The following SELP variants were observed in gnomAD, a reference collection of about 807,000 sequenced individuals.
The protein encoded by SELP is selectin P.
SELP carries 92 observed loss-of-function variants against 104.1 expected under a neutral mutation model. That is an observed-to-expected ratio of 0.88 (90% CI 0.75 to 1.05). The LOEUF (loss-of-function observed/expected upper bound fraction) is 1.05, where lower values mean the gene tolerates loss of function less well. Among genes scored for constraint, SELP ranks in the 50% least tolerant of loss-of-function variants. SELP has a pLI of 0.00. For synonymous variants in SELP, 397 were observed against 364.5 expected, an observed-to-expected ratio of 1.09 and a Z score of -1.01; for missense variants, 1,022 against 1,017.3, an observed-to-expected ratio of 1.00 and a Z score of -0.06.
At chr1:169,610,964 T>A (rs1557961917) in intron 7 of SELP, among the ~76,000 whole-genome samples, 2 of 152,172 alleles carry the variant, frequency 1.3e-5, no homozygotes, top group African/African-American at 4.8e-5. Context: ...GGGAATTCAC[T>A]AATCTATCGT....
chr1:169,616,120 C>T (rs1662794530), intron 3 of SELP, among the ~76,000 whole-genome samples: 1 of 152,158 alleles, frequency 6.6e-6, no homozygotes, highest in Non-Finnish European at 1.5e-5. Context: ...CTTACTCTGG[C>T]ACTGGTAAAG....
chr1:169,612,835 A>T (rs1184734655), intron 5 of SELP, 94 bp downstream of exon 5: 1 of 1,077,332 alleles, frequency 9.3e-7, no homozygotes, highest in African/African-American at 1.6e-5. Context: ...GATGGTCATT[A>T]TTTCTCACAT....
chr1:169,625,994 A>G (rs959303346), intron 1 of SELP, among the ~76,000 whole-genome samples: 1 of 152,260 alleles, frequency 6.6e-6, no homozygotes, highest in African/African-American at 2.4e-5. Flanking sequence ...TATGTTGGTC[A>G]GGAACGTCAG....
At chr1:169,594,495 C>CT (rs1661498021) in intron 13 of SELP, among the ~76,000 whole-genome samples, 197 bp downstream of exon 13, 1 of 152,128 alleles carries the variant, frequency 6.6e-6, no homozygotes, top group Non-Finnish European at 1.5e-5. Context: ...GGGTGATTAC[C>CT]TACACAGTCA....
intron 2 of SELP, among the ~76,000 whole-genome samples, chr1:169,617,785 T>C (rs114848217): frequency 2.1e-3 from 316 of 152,334 alleles, no homozygotes; most frequent in African/African-American, 7.5e-3. Flanking sequence ...ATAAAATGTC[T>C]TAAGGGCAAG....
At chr1:169,599,656 A>G (rs912527884) in intron 10 of SELP, among the ~76,000 whole-genome samples, 3 of 152,234 alleles carry the variant, frequency 2.0e-5, no homozygotes. Context: ...AAGATATAGT[A>G]TGAATAATAA....
intron 2 of SELP, among the ~76,000 whole-genome samples, 178 bp from the exon 3 acceptor site, chr1:169,617,592 A>C (rs1407896906): frequency 6.6e-6 from 1 of 152,210 alleles, no homozygotes; most frequent in Non-Finnish European, 1.5e-5. Flanking sequence ...TCCACCTTTC[A>C]CTTAAAAGTG....
At chr1:169,621,843 G>A (rs1021380840) in intron 1 of SELP, among the ~76,000 whole-genome samples, 4 of 152,224 alleles carry the variant, frequency 2.6e-5, no homozygotes, top group Non-Finnish European at 4.4e-5. Context: ...CCTTTGGTGC[G>A]AACCTAACCC....
intron 3 of SELP, among the ~76,000 whole-genome samples, chr1:169,616,170 T>C (rs911963132): frequency 6.6e-6 from 1 of 152,202 alleles, no homozygotes; most frequent in African/African-American, 2.4e-5. Flanking sequence ...CACCTTCAAT[T>C]ACTTCTTTCC....
chr1:169,622,279 G>A (rs780479972), intron 1 of SELP, among the ~76,000 whole-genome samples: 8 of 152,148 alleles, frequency 5.3e-5, no homozygotes, highest in African/African-American at 1.9e-4. Context: ...AGCTTTGAGG[G>A]AGCACCCGAT....
rs773836328 is a variant in SELP, at chr1:169,611,661, G to A, written c.978C>T (p.His326=). The A allele has an allele frequency of 6.2e-7, 1 of 1,614,006 alleles. No homozygotes were observed. Among genetic ancestry groups the A allele is most frequent in the Non-Finnish European group, 8.5e-7 (1 of 1,179,968 alleles). The change falls in exon 7 of 17, where the codon CAC becomes CAT. Residue 326 remains histidine (H), a synonymous_variant. Transcript: ENST00000263686. ...TGGTTCCTTCACTGGGGGCTTCCAG[G>A]TGCTGACACTGCACAGCTGGAGAGA... is the stretch of plus-strand genomic sequence containing the variant. ...APVCKAVQCQ[H]LEAPSEGTMD...
rs141352135 is a variant in SELP at position 169,609,043 on chromosome 1, G to A, written c.1333+461C>T. Reference sequence around the variant, plus strand: ...AATCCTATAAGAGTTTTAAAGTTGCGTTTACACACATTAATTCACAACTAC... The same window carrying A: ...AATCCTATAAGAGTTTTAAAGTTGCATTTACACACATTAATTCACAACTAC... On this transcript the variant is annotated intron_variant, in intron 8 of 16. Coordinates refer to ENST00000263686, the MANE Select transcript of SELP (RefSeq NM_003005.4). Among the ~76,000 whole-genome samples, 175 of 152,112 alleles carry A rather than the reference G, an allele frequency of 1.2e-3. 1 individual carries two copies. Among genetic ancestry groups the A allele is most frequent in the Admixed American group, 3.9e-3 (60 of 15,270 alleles).
chr1:169,596,472 A>T (rs1395870496), intron 11 of SELP, among the ~76,000 whole-genome samples: 1 of 152,246 alleles, frequency 6.6e-6, no homozygotes. Flanking sequence ...CTGCCTGCCC[A>T]ACCCTGCCTT....
intron 13 of SELP, 126 bp from the exon 14 acceptor site, chr1:169,593,850 G>A: frequency 1.1e-6 from 1 of 879,924 alleles, no homozygotes; most frequent in South Asian, 2.0e-5. Flanking sequence ...CAAAGGTCCT[G>A]GGAATGCTGA....
intron 2 of SELP, 42 bp downstream of exon 2, chr1:169,619,087 C>T: frequency 1.3e-6 from 2 of 1,495,530 alleles, no homozygotes; most frequent in South Asian, 2.3e-5. Flanking sequence ...GGGCTCTACC[C>T]TAATTACTTA....
intron 10 of SELP, among the ~76,000 whole-genome samples, chr1:169,601,731 A>G (rs1661920918): frequency 6.6e-6 from 1 of 152,216 alleles, no homozygotes; most frequent in Non-Finnish European, 1.5e-5. Context: ...CTGTCTCCAT[A>G]CTTCAAGCTA....
At chr1:169,621,228 G>T (rs1284576070) in intron 1 of SELP, among the ~76,000 whole-genome samples, 1 of 132,066 alleles carries the variant, frequency 7.6e-6, no homozygotes, top group South Asian at 2.6e-4. Flanking sequence ...GGATGGTGTG[G>T]AGTTGTGTGT....
chr1:169,607,026 C>G lies in SELP; in HGVS notation c.1442G>C (p.Gly481Ala). 6.2e-7 allele frequency: 1 copy of G among 1,613,650 alleles called. No individual in the cohort carries two copies. The highest frequency in any genetic ancestry group is 8.5e-7 in the Non-Finnish European group (1 of 1,179,672). Residue 481 changes from glycine to alanine, a missense_variant, in exon 9 of 17, where the codon GGC (glycine) becomes GCC (alanine). Transcript: ENST00000263686. ...QSVCSFTCNE[G>A]LLLVGASVLQ... is the part of the protein sequence containing the mutation. ...CACACTTGCTCCCACCAGGAGCAAG[C>G]CTTCATTGCAGGTGAAGCTGCAGAC...
rs6130 is a variant in SELP, at chr1:169,606,969, G to A, written c.1499C>T (p.Ser500Phe). The A allele has an allele frequency of 2.2e-4, 353 of 1,613,328 alleles. 1 individual carries two copies. The African/African-American group carries it at 3.9e-3, about 18-fold the overall frequency. Residue 500 changes from serine (S) to phenylalanine (F), a missense_variant, in exon 9 of 17, where the codon TCT becomes TTT. Physicochemically the swap from Ser to Phe is radical, Grantham distance 155. Transcript: ENST00000263686. The stretch of plus-strand genomic sequence containing the variant: ...CTTACCTTGGCATTCTGGAGGAACA[G>A]AATTCCAGTTTCCAGTAGCCAAGCA... ...LQCLATGNWNSVPPECQAIPC... is the reference protein window; with the variant it reads ...LQCLATGNWNFVPPECQAIPC...
Sources: allele counts gnomAD v4.1 joint callset (sites outside exome capture counted in the v4.1 genomes callset), GRCh38; gene constraint gnomAD v4.1.1; transcripts MANE v1.5; gene names NCBI Gene and HGNC (gene_info 2026-07-23, HGNC 2026-07-21).